The following SORD variants were observed in gnomAD, a reference collection of about 807,000 sequenced individuals.
The protein encoded by SORD is (R,R)-butanediol dehydrogenase.
Under a neutral mutation model 35.6 loss-of-function variants are expected in SORD, and 18 were observed. The ratio of observed to expected loss-of-function variants is 0.51; its 90% confidence interval spans 0.35 to 0.75. SORD has a LOEUF of 0.75. Among genes scored for constraint, SORD ranks in the 30% least tolerant of loss-of-function variants. The pLI, the probability that SORD is intolerant of heterozygous loss-of-function variation, is 0.01. For synonymous variants in SORD, 106 were observed against 152.9 expected (o/e 0.69, Z 2.26); for missense variants, 250 against 390.2 (o/e 0.64, Z 3.03).
chr15:45,064,709 T>TGATA (rs560183840), intron 4 of SORD, among the ~76,000 whole-genome samples: 20 of 152,268 alleles, frequency 1.3e-4, no homozygotes, highest in Admixed American at 7.8e-4. Context: ...ACAAAACTGG[T>TGATA]GATAGTCAGG....
In SORD at chr15:45,061,215, C is replaced by T. The variant is rs377357498; in HGVS notation, c.414C>T (p.Ala138=). 6.2e-7 allele frequency: 1 copy of T among 1,614,222 alleles called. No individual in the cohort carries two copies. The highest frequency in any genetic ancestry group is 1.7e-5 in the Admixed American group (1 of 60,028). ...GCCGGTTCTATAAGCACAATGCAGCCTTTTGTTACAAGTTAGTGTCCACAG... is the reference window on the plus strand; with the variant it reads ...GCCGGTTCTATAAGCACAATGCAGCTTTTTGTTACAAGTTAGTGTCCACAG... ...NLCRFYKHNA[A]FCYKLPDNVT... Residue 138 remains alanine (A), a synonymous_variant, in exon 4 of 9, where the codon GCC becomes GCT. Coordinates refer to ENST00000267814, the MANE Select transcript of SORD (RefSeq NM_003104.6).
chr15:45,067,727 A>G (rs1245674016), intron 5 of SORD, among the ~76,000 whole-genome samples: 1 of 152,106 alleles, frequency 6.6e-6, no homozygotes, highest in Non-Finnish European at 1.5e-5. Context: ...AACCCTCTCC[A>G]GGTGGTCCTC....
intron 1 of SORD, among the ~76,000 whole-genome samples, chr15:45,032,773 C>T (rs1892806638): frequency 6.6e-6 from 1 of 152,098 alleles, no homozygotes; most frequent in Non-Finnish European, 1.5e-5. Context: ...TTTGCCAGGA[C>T]CAACACAGCT....
intron 6 of SORD, 135 bp downstream of exon 6, chr15:45,068,381 A>G: frequency 1.4e-6 from 1 of 712,386 alleles, no homozygotes; most frequent in Non-Finnish European, 2.5e-6. Flanking sequence ...GTGGAAATAT[A>G]GAAGAGTGTG....
At chr15:45,037,078 T>C (rs1302108245) in intron 1 of SORD, among the ~76,000 whole-genome samples, 1 of 152,242 alleles carries the variant, frequency 6.6e-6, no homozygotes, top group Non-Finnish European at 1.5e-5. Context: ...TCAGGTAGCA[T>C]GTCTCCTACA....
At chr15:45,027,288 G>A (rs1387666098) in intron 1 of SORD, among the ~76,000 whole-genome samples, 1 of 152,300 alleles carries the variant, frequency 6.6e-6, no homozygotes, top group Non-Finnish European at 1.5e-5. Context: ...ATAGTACGAA[G>A]TTCCCAAACC....
intron 1 of SORD, among the ~76,000 whole-genome samples, chr15:45,027,980 G>T (rs1189552993): frequency 6.6e-6 from 1 of 152,226 alleles, no homozygotes; most frequent in African/African-American, 2.4e-5. Flanking sequence ...TTTCCAGTCG[G>T]CCATGGACTG....
At chr15:45,034,033 T>G (rs1892821148) in intron 1 of SORD, among the ~76,000 whole-genome samples, 1 of 152,248 alleles carries the variant, frequency 6.6e-6, no homozygotes. Flanking sequence ...AGTGGCCTCC[T>G]GTAATTTCTA....
At chr15:45,024,460 C>G (rs1056118277) in intron 1 of SORD, among the ~76,000 whole-genome samples, 2 of 152,262 alleles carry the variant, frequency 1.3e-5, no homozygotes, top group Admixed American at 6.5e-5. Flanking sequence ...GCTGACTCTC[C>G]ATCTCCTCAG....
intron 8 of SORD, among the ~76,000 whole-genome samples, chr15:45,072,868 C>G (rs372787260): frequency 0.086 from 11,991 of 139,220 alleles, 885 homozygotes; most frequent in East Asian, 0.11. Context: ...TCTTAGTTTG[C>G]CCCACCCATG....
intron 1 of SORD, among the ~76,000 whole-genome samples, chr15:45,033,015 C>T (rs1374450742): frequency 6.6e-6 from 1 of 152,082 alleles, no homozygotes; most frequent in Admixed American, 6.6e-5. Context: ...CCAGCACTTT[C>T]CCCACACACT....
At chr15:45,044,885 G>T (rs1893023006) in intron 3 of SORD, among the ~76,000 whole-genome samples, 1 of 151,632 alleles carries the variant, frequency 6.6e-6, no homozygotes, top group Non-Finnish European at 1.5e-5. Flanking sequence ...TTTGGTAGAG[G>T]CTGGGCTTCA....
At chr15:45,028,440 C>G (rs944453546) in intron 1 of SORD, among the ~76,000 whole-genome samples, 1 of 152,278 alleles carries the variant, frequency 6.6e-6, no homozygotes, top group African/African-American at 2.4e-5. Context: ...CTTTATCTCC[C>G]TTCTTCCTGA....
chr15:45,061,360 T>C, intron 4 of SORD, 134 bp downstream of exon 4: 2 of 945,074 alleles, frequency 2.1e-6, no homozygotes, highest in Admixed American at 2.6e-5. Context: ...GACAGGCTAC[T>C]CTTCTTGGTG....
At chr15:45,053,551 A>G (rs562100177) in intron 3 of SORD, among the ~76,000 whole-genome samples, 1 of 152,248 alleles carries the variant, frequency 6.6e-6, no homozygotes, top group Non-Finnish European at 1.5e-5. Context: ...ACCATTTGTC[A>G]TCCATGCTGT....
intron 3 of SORD, among the ~76,000 whole-genome samples, chr15:45,052,289 G>A (rs1893137859): frequency 6.6e-6 from 1 of 152,206 alleles, no homozygotes. Context: ...CATAAGGATT[G>A]AATGGCTGTT....
chr15:45,069,202 T>C (rs1321104426), intron 7 of SORD, 150 bp downstream of exon 7: 5 of 446,664 alleles, frequency 1.1e-5, no homozygotes, highest in African/African-American at 2.5e-5. Flanking sequence ...TTCTTTTTTT[T>C]TTTTTTTTTT....
At chr15:45,044,172 GAAGTC>G (rs1169626419) in intron 3 of SORD, among the ~76,000 whole-genome samples, 1 of 152,250 alleles carries the variant, frequency 6.6e-6, no homozygotes, top group Admixed American at 6.5e-5. Context: ...ATCATTAGTG[GAAGTC>G]AAGAAGGCTC....
intron 7 of SORD, among the ~76,000 whole-genome samples, chr15:45,071,139 C>A (rs189968926): frequency 2.8e-4 from 43 of 152,280 alleles, no homozygotes; most frequent in African/African-American, 9.9e-4. Flanking sequence ...ATGTCATATC[C>A]TTGGTGCAGA....
Sources: allele counts gnomAD v4.1 joint callset (sites outside exome capture counted in the v4.1 genomes callset), GRCh38; gene constraint gnomAD v4.1.1; transcripts MANE v1.5; gene names NCBI Gene and HGNC (gene_info 2026-07-23, HGNC 2026-07-21).